The following UTS2 variants were observed in gnomAD, a reference collection of about 807,000 sequenced individuals.
UTS2 encodes the protein urotensin 2.
Under a neutral mutation model 12.6 loss-of-function variants are expected in UTS2, and 10 were observed. The ratio of observed to expected loss-of-function variants is 0.80; its 90% CI spans 0.49 to 1.35. The LOEUF (loss-of-function observed/expected upper bound fraction) is 1.35. Ranked by LOEUF, UTS2 falls within the 40% of genes most tolerant of loss-of-function variation. UTS2 has a pLI of 0.00. For synonymous variants in UTS2, 52 were observed against 50.0 expected (o/e 1.04, Z -0.17); for missense variants, 142 against 143.2 (o/e 0.99, Z 0.04).
chr1:7,857,112 G>GAAGGAAGGAAGGAAGGA (rs1377490232), upstream of UTS2, among the ~76,000 whole-genome samples: 4 of 149,978 alleles, frequency 2.7e-5, no homozygotes, highest in Non-Finnish European at 5.9e-5. Flanking sequence ...AGGAATGAAG[G>GAAGGAAGGAAGGAAGGA]AAGGAAGGAA....
upstream of UTS2, chr1:7,853,350 A>C (rs984791638): frequency 7.4e-6 from 12 of 1,614,054 alleles, no homozygotes; most frequent in Non-Finnish European, 1.0e-5. Flanking sequence ...TATGAGTTGA[A>C]GTGGCCAAAG....
At chr1:7,867,647 C>T in the UTS2 span, among the ~76,000 whole-genome samples, 9 of 152,132 alleles carry the variant, frequency 5.9e-5, no homozygotes, top group Non-Finnish European at 1.0e-4. Context: ...GAGGCTGAGG[C>T]GAGTGGTCCC....
the UTS2 span, among the ~76,000 whole-genome samples, chr1:7,869,410 C>A: frequency 6.6e-6 from 1 of 152,206 alleles, no homozygotes; most frequent in Non-Finnish European, 1.5e-5. Flanking sequence ...CTGCGCATGC[C>A]TCCCCAAAAT....
chr1:7,856,883 A>G (rs1638320205), upstream of UTS2, among the ~76,000 whole-genome samples: 1 of 152,148 alleles, frequency 6.6e-6, no homozygotes, highest in African/African-American at 2.4e-5. Flanking sequence ...CAATATGGTG[A>G]AACCCCATCT....
chr1:7,872,994 A>G, the UTS2 span, among the ~76,000 whole-genome samples: 10 of 152,176 alleles, frequency 6.6e-5, no homozygotes, highest in Non-Finnish European at 1.3e-4. Context: ...CCATTCCAAA[A>G]ATCCTAGGGC....
At chr1:7,905,819 T>G in the UTS2 span, among the ~76,000 whole-genome samples, 2 of 152,192 alleles carry the variant, frequency 1.3e-5, no homozygotes, top group Non-Finnish European at 2.9e-5. Context: ...TTGTTGAGGT[T>G]GGGCTGACGG....
the UTS2 span, among the ~76,000 whole-genome samples, chr1:7,877,311 G>A: frequency 1.3e-5 from 2 of 151,960 alleles, no homozygotes; most frequent in Admixed American, 6.6e-5. Flanking sequence ...TGCTATAAAA[G>A]AAGCCTAGTG....
chr1:7,884,814 C>T, the UTS2 span, among the ~76,000 whole-genome samples: 1 of 151,692 alleles, frequency 6.6e-6, no homozygotes, highest in African/African-American at 2.4e-5. Flanking sequence ...ATCCATTTAC[C>T]CATACACCCA....
In UTS2 at chr1:7,848,925, G is replaced by C. The variant is rs924217862; in HGVS notation, c.258+715C>G. Among the ~76,000 whole-genome samples, 8 of 152,248 alleles carry C rather than the reference G, an allele frequency of 5.3e-5. 1 individual carries two copies. The highest frequency in any genetic ancestry group is 1.9e-4 in the African/African-American group (8 of 41,548). Reference sequence around the variant, plus strand: ...TGCATGTGAATCACCTGGGGATCTTGTTAAGATGCAGATTTTGCTTCCGCA... The same window carrying C: ...TGCATGTGAATCACCTGGGGATCTTCTTAAGATGCAGATTTTGCTTCCGCA... On this transcript the variant is annotated intron_variant, in intron 3 of 3. Transcript: ENST00000361696.
At chr1:7,911,767 G>A in the UTS2 span, among the ~76,000 whole-genome samples, 21,408 of 152,028 alleles carry the variant, frequency 0.14, 1,778 homozygotes, top group Non-Finnish European at 0.17. Flanking sequence ...CGGGAGTGGT[G>A]GCAGGTGCCT....
the UTS2 span, among the ~76,000 whole-genome samples, chr1:7,893,491 C>CTAAA: frequency 0.025 from 3,806 of 150,392 alleles, 58 homozygotes; most frequent in Non-Finnish European, 0.034. Flanking sequence ...GACCCTGTCT[C>CTAAA]TAAATAAATA....
At chr1:7,880,999 A>G in the UTS2 span, among the ~76,000 whole-genome samples, 1 of 152,184 alleles carries the variant, frequency 6.6e-6, no homozygotes, top group Admixed American at 6.5e-5. Flanking sequence ...GGCGCAACAT[A>G]CAAATGTGAT....
At chr1:7,894,355 G>A in the UTS2 span, among the ~76,000 whole-genome samples, 3 of 151,708 alleles carry the variant, frequency 2.0e-5, no homozygotes, top group Admixed American at 1.3e-4. Context: ...TGTATTTTTT[G>A]TAGAGACGGG....
the UTS2 span, among the ~76,000 whole-genome samples, chr1:7,892,393 GCCT>G: frequency 5.3e-5 from 8 of 150,728 alleles, no homozygotes; most frequent in East Asian, 1.6e-3. Context: ...TCTTGGCCCT[GCCT>G]CCATCTGCAA....
chr1:7,899,953 A>G, the UTS2 span, among the ~76,000 whole-genome samples: 2 of 152,142 alleles, frequency 1.3e-5, no homozygotes, highest in Admixed American at 6.5e-5. Flanking sequence ...AGATACAGCA[A>G]TTGGCTTCCT....
At chr1:7,881,411 C>A in the UTS2 span, among the ~76,000 whole-genome samples, 4 of 151,920 alleles carry the variant, frequency 2.6e-5, no homozygotes, top group Non-Finnish European at 4.4e-5. Flanking sequence ...ACCAAAAAAT[C>A]TCTTAGAACT....
intron 3 of UTS2, among the ~76,000 whole-genome samples, chr1:7,849,307 C>T (rs540587459): frequency 2.5e-4 from 38 of 152,048 alleles, no homozygotes; most frequent in Non-Finnish European, 4.3e-4. Flanking sequence ...CTCTGCCTCC[C>T]GGGTTCAAGC....
chr1:7,874,170 G>A, the UTS2 span, among the ~76,000 whole-genome samples: 1 of 152,132 alleles, frequency 6.6e-6, no homozygotes, highest in Admixed American at 6.5e-5. Context: ...ACTGCCCAAC[G>A]TAGGGAAAAG....
the UTS2 span, among the ~76,000 whole-genome samples, chr1:7,867,067 A>G: frequency 6.6e-6 from 1 of 152,050 alleles, no homozygotes; most frequent in East Asian, 1.9e-4. Context: ...GTGGGGATTC[A>G]CCATTTTGGT....
Sources: allele counts gnomAD v4.1 joint callset (sites outside exome capture counted in the v4.1 genomes callset), GRCh38; gene constraint gnomAD v4.1.1; transcripts MANE v1.5; gene names NCBI Gene and HGNC (gene_info 2026-07-23, HGNC 2026-07-21).